GAD2: variants seen among roughly 807,000 people sequenced by gnomAD.
GAD2 encodes the protein 65 kDa glutamic acid decarboxylase.
In GAD2, 22 loss-of-function variants were observed where a neutral mutation model predicts 80.1. That is an observed-to-expected ratio of 0.27 (90% CI 0.20 to 0.39). The LOEUF is 0.39. Among genes scored for constraint, GAD2 ranks in the 10% least tolerant of loss-of-function variants. GAD2 has a pLI of 1.00. For synonymous variants in GAD2, 274 were observed against 256.9 expected (o/e 1.07, Z -0.64); for missense variants, 624 against 738.4 (o/e 0.85, Z 1.80).
chr10:26,300,506 C>T (rs1411854396), intron 15 of GAD2, among the ~76,000 whole-genome samples: 3 of 152,106 alleles, frequency 2.0e-5, no homozygotes, highest in African/African-American at 7.2e-5. Context: ...ATACTAGATT[C>T]ATCCCATCCT....
At chr10:26,249,314 G>T (rs925465536) in intron 8 of GAD2, among the ~76,000 whole-genome samples, 1 of 152,150 alleles carries the variant, frequency 6.6e-6, no homozygotes, top group Non-Finnish European at 1.5e-5. Flanking sequence ...CGTCCGCCTC[G>T]GCCTCTCAAA....
intron 7 of GAD2, among the ~76,000 whole-genome samples, chr10:26,243,515 G>T (rs1410441130): frequency 6.6e-6 from 1 of 152,212 alleles, no homozygotes; most frequent in Non-Finnish European, 1.5e-5. Flanking sequence ...ATGGGCAGAT[G>T]CAGTACAGCT....
intron 7 of GAD2, among the ~76,000 whole-genome samples, chr10:26,242,211 C>T (rs1228152205): frequency 6.6e-6 from 1 of 152,190 alleles, no homozygotes; most frequent in Non-Finnish European, 1.5e-5. Flanking sequence ...TGGTCTCGAT[C>T]TCCTGACCTC....
rs1834351348 is a variant in GAD2, at chr10:26,303,534, ATAT to A, written c.*2576_*2578del. On this transcript the variant is annotated 3_prime_UTR_variant, in exon 16 of 16. Coordinates refer to ENST00000376261, the MANE Select transcript of GAD2 (RefSeq NM_001134366.2). ...GAGGAAAGAAGGGAGATTATTTTTA[ATAT>A]TAGCCCAAATTCCCAGTGCCATGGT... 6.7e-6 allele frequency: 1 copy of A among 149,656 alleles called. No homozygotes were observed. Among genetic ancestry groups the A allele is most frequent in the Non-Finnish European group, 1.5e-5 (1 of 67,946 alleles). 9.3% of individuals were successfully genotyped at this position (149,656 alleles called of 1,614,324 possible).
At chr10:26,293,722 C>T (rs1232910847) in intron 15 of GAD2, among the ~76,000 whole-genome samples, 1 of 152,122 alleles carries the variant, frequency 6.6e-6, no homozygotes, top group Non-Finnish European at 1.5e-5. Flanking sequence ...TCAAGGCTAC[C>T]CTGGGTGTGT....
In GAD2 at chr10:26,273,719, A is replaced by G; in HGVS notation, c.1157+19A>G. Reference sequence around the variant, plus strand: ...TGGAGAGGTATGTTGCATTTTTCTTATTAACAACATAAAGTGTTAAAAGCT... The same window carrying G: ...TGGAGAGGTATGTTGCATTTTTCTTGTTAACAACATAAAGTGTTAAAAGCT... On this transcript the variant is annotated intron_variant, in intron 11 of 15. Transcript: ENST00000376261. The G allele has an allele frequency of 6.2e-7, 1 of 1,605,894 alleles. No homozygotes were observed. The highest frequency in any genetic ancestry group is 8.5e-7 in the Non-Finnish European group (1 of 1,173,604).
chr10:26,295,185 G>A (rs184436011), intron 15 of GAD2, among the ~76,000 whole-genome samples: 12 of 152,220 alleles, frequency 7.9e-5, no homozygotes, highest in Admixed American at 4.6e-4. Context: ...CATATGAGCT[G>A]TAATGAAGAA....
intron 8 of GAD2, among the ~76,000 whole-genome samples, chr10:26,263,952 G>A (rs1269606047): frequency 6.6e-6 from 1 of 152,174 alleles, no homozygotes; most frequent in Non-Finnish European, 1.5e-5. Flanking sequence ...CGGGGTAGTT[G>A]TACAGTGCCA....
rs1564315594 is a variant in GAD2 at position 26,304,094 on chromosome 10, AC to A, written c.*3134del. On this transcript the variant is annotated 3_prime_UTR_variant, in exon 16 of 16. Transcript: ENST00000376261. ...CTTCCTTTGAGAATTGTGCGACTTC[AC>A]AAAATGCAAGGTGAACACCACTTTG... 6.6e-6 allele frequency: 1 copy of A among 152,306 alleles called. No homozygotes were observed. Among genetic ancestry groups the A allele is most frequent in the Non-Finnish European group, 1.5e-5 (1 of 68,050 alleles). The allele number at this position is 152,306 out of a possible 1,614,324, so 9.4% of individuals were successfully genotyped here.
rs995802484 is a variant in GAD2, at chr10:26,242,722, A to T, written c.841-3199A>T. On this transcript the variant is annotated intron_variant, in intron 7 of 15. Coordinates refer to ENST00000376261, the MANE Select transcript of GAD2 (RefSeq NM_001134366.2). ...CTATCTGGGCATGTGTTTTTCTTTAAATCTGCAGCATTTGGTACCGTGATC... is the reference window on the plus strand; with the variant it reads ...CTATCTGGGCATGTGTTTTTCTTTATATCTGCAGCATTTGGTACCGTGATC... Among the ~76,000 whole-genome samples the T allele has an allele frequency of 5.3e-5, 8 of 152,146 alleles. No homozygotes were observed. The East Asian group carries it at 1.5e-3, about 29-fold the overall frequency.
At chr10:26,230,292 G>T (rs762477610) in intron 7 of GAD2, among the ~76,000 whole-genome samples, 1 of 152,224 alleles carries the variant, frequency 6.6e-6, no homozygotes. Flanking sequence ...CAGAGGGACT[G>T]TGAGCTCATT....
At chr10:26,281,143 T>C in intron 12 of GAD2, 56 bp downstream of exon 12, 3 of 1,252,314 alleles carry the variant, frequency 2.4e-6, no homozygotes, top group Non-Finnish European at 2.3e-6. Context: ...ACTGTCTTTA[T>C]GCGGTTGACT....
In GAD2 at chr10:26,302,895, G is replaced by A. The variant is rs574415976; in HGVS notation, c.*1934G>A. ...ATGAAGGAGTAACCTTCCATTCTAG[G>A]CTTTGTCTAATGGCCAAGCATTAGA... On this transcript the variant is annotated 3_prime_UTR_variant, in exon 16 of 16. Coordinates refer to ENST00000376261, the MANE Select transcript of GAD2 (RefSeq NM_001134366.2). The A allele has an allele frequency of 5.9e-5, 9 of 152,208 alleles. No individual in the cohort carries two copies. Among genetic ancestry groups the A allele is most frequent in the African/African-American group, 2.2e-4 (9 of 41,540 alleles). The allele number at this position is 152,208 out of a possible 1,614,324, so 9.4% of individuals were successfully genotyped here.
At chr10:26,226,586 C>A (rs7081084) in intron 6 of GAD2, among the ~76,000 whole-genome samples, 1 of 152,096 alleles carries the variant, frequency 6.6e-6, no homozygotes, top group African/African-American at 2.4e-5. Context: ...ATGCTATTCC[C>A]GGGAGCAACC....
intron 10 of GAD2, among the ~76,000 whole-genome samples, chr10:26,273,285 C>T (rs1000480475): frequency 1.1e-4 from 16 of 152,358 alleles, no homozygotes; most frequent in African/African-American, 3.6e-4. Context: ...GCCCTCCTGC[C>T]CATCTTCTCT....
chr10:26,275,919 C>T (rs1216260190), intron 11 of GAD2, among the ~76,000 whole-genome samples: 1 of 152,098 alleles, frequency 6.6e-6, no homozygotes, highest in African/African-American at 2.4e-5. Context: ...CTTTGGGAGG[C>T]AGAGGTGGAA....
Position 26,217,959 on chromosome 10 carries a change from TG to T in GAD2, c.256del (p.Asp86MetfsTer30). On this transcript the variant is annotated frameshift_variant, in exon 3 of 16. Coordinates refer to ENST00000376261, the MANE Select transcript of GAD2 (RefSeq NM_001134366.2). LOFTEE classifies it high-confidence loss of function. The surrounding 1 kb of genome is among the most constrained non-coding windows in gnomAD (Gnocchi z 4.9). ...CAGAAGCCCTGCAGCTGCTCCAAAGTGGATGTCAACTACGCGTTTCTCCATG... is the reference window on the plus strand; with the variant it reads ...CAGAAGCCCTGCAGCTGCTCCAAAGTGATGTCAACTACGCGTTTCTCCATG... ...CDQKPCSCSKVDVNYAFLHAT... is the reference protein window; with the variant it reads ...CDQKPCSCSKXDVNYAFLHAT... 1 of 1,611,584 alleles carries T rather than the reference TG, an allele frequency of 6.2e-7. No individual in the cohort carries two copies. Among genetic ancestry groups the T allele is most frequent in the Non-Finnish European group, 8.5e-7 (1 of 1,178,996 alleles).
At chr10:26,250,992 G>A (rs1382977895) in intron 8 of GAD2, among the ~76,000 whole-genome samples, 7 of 142,052 alleles carry the variant, frequency 4.9e-5, no homozygotes, top group South Asian at 2.3e-4. Flanking sequence ...CCATTCTCCC[G>A]CCTCAGCCTC....
intron 8 of GAD2, among the ~76,000 whole-genome samples, chr10:26,250,197 A>G (rs1372940416): frequency 6.6e-6 from 1 of 152,054 alleles, no homozygotes; most frequent in African/African-American, 2.4e-5. Context: ...TTTGTTCGTT[A>G]TAGAGATGGA....
Sources: allele counts gnomAD v4.1 joint callset (sites outside exome capture counted in the v4.1 genomes callset), GRCh38; gene constraint gnomAD v4.1.1; non-coding constraint Gnocchi (gnomAD v3.1); transcripts MANE v1.5; gene names NCBI Gene and HGNC (gene_info 2026-07-23, HGNC 2026-07-21).